TTC8: variants seen among roughly 807,000 people sequenced by gnomAD.
The protein encoded by TTC8 is tetratricopeptide repeat protein 8.
A neutral mutation model predicts 72.5 loss-of-function variants in TTC8; 47 were observed. That is an observed-to-expected ratio of 0.65 (90% CI 0.51 to 0.83). The LOEUF (loss-of-function observed/expected upper bound fraction) is 0.83, where lower values mean the gene tolerates loss of function less well. TTC8 is among the 40% of genes least tolerant of loss of function. TTC8 has a pLI of 0.00. For missense variants in TTC8, 611 were observed against 623.2 expected, an observed-to-expected ratio of 0.98 and a Z score of 0.21; for synonymous variants, 199 against 221.4, an observed-to-expected ratio of 0.90 and a Z score of 0.90.
intron 1 of TTC8, among the ~76,000 whole-genome samples, chr14:88,828,309 G>A (rs891691920): frequency 6.6e-6 from 1 of 152,104 alleles, no homozygotes; most frequent in Non-Finnish European, 1.5e-5. Context: ...GTTAAATGAT[G>A]GAGAGATTCA....
intron 14 of TTC8, among the ~76,000 whole-genome samples, chr14:88,876,256 T>G (rs2094956979): frequency 6.6e-6 from 1 of 152,174 alleles, no homozygotes; most frequent in Admixed American, 6.5e-5. Flanking sequence ...GATATCTTCT[T>G]TAAGCAAAAG....
chr14:88,845,328 G>C (rs1171015834), intron 7 of TTC8, among the ~76,000 whole-genome samples: 1 of 152,190 alleles, frequency 6.6e-6, no homozygotes, highest in African/African-American at 2.4e-5. Context: ...GGATAATTAG[G>C]GAAGGAAGTC....
chr14:88,853,177 A>G, intron 8 of TTC8, 121 bp downstream of exon 8: 1 of 725,100 alleles, frequency 1.4e-6, no homozygotes, highest in African/African-American at 1.8e-5. Flanking sequence ...TCTTTGACTT[A>G]CTTGATAAAG....
intron 6 of TTC8, 33 bp from the exon 7 acceptor site, chr14:88,843,772 AT>A (rs754623592): frequency 6.5e-6 from 10 of 1,541,192 alleles, no homozygotes; most frequent in Admixed American, 1.8e-5. Flanking sequence ...AAAAAAAAAA[AT>A]CTAACGTATT....
At chr14:88,847,721 A>C (rs192954013) in intron 7 of TTC8, among the ~76,000 whole-genome samples, 2 of 152,340 alleles carry the variant, frequency 1.3e-5, no homozygotes, top group Admixed American at 1.3e-4. Context: ...GCATATGTGT[A>C]ATCTCTATCT....
At chr14:88,870,321 C>A in intron 11 of TTC8, 123 bp downstream of exon 11, 2 of 1,062,018 alleles carry the variant, frequency 1.9e-6, no homozygotes, top group East Asian at 2.4e-5. Flanking sequence ...ACTCAAATGT[C>A]AACACTGAGA....
chr14:88,843,820 T>C lies in TTC8; in HGVS notation c.594T>C (p.Tyr198=). Residue 198 remains tyrosine, a synonymous_variant, in exon 7 of 15, where the codon TAT becomes TAC. Transcript: ENST00000380656. ...KPKLAKALFE[Y]IFHHENDVKT... ...TTTCTTCACAGGCTTTGTTTGAGTA[T>C]ATCTTTCATCATGAAAATGATGTTA... 1 of 1,598,054 alleles carries C rather than the reference T, an allele frequency of 6.3e-7. No individual in the cohort carries two copies. Among genetic ancestry groups the C allele is most frequent in the South Asian group, 1.1e-5 (1 of 88,786 alleles).
intron 2 of TTC8, among the ~76,000 whole-genome samples, chr14:88,835,332 A>G (rs1007610632): frequency 3.3e-5 from 5 of 152,238 alleles, no homozygotes; most frequent in African/African-American, 4.8e-5. Context: ...ACTAAAACTG[A>G]ACTAGTGTCA....
Position 88,846,741 on chromosome 14 carries a change from AT to A in TTC8, c.624+2896del, listed in dbSNP as rs1449975714. 5.5e-5 allele frequency: 49 copies of A among 894,234 alleles called. No homozygotes were observed. The African/African-American group carries it at 7.0e-4, about 13-fold the overall frequency. The allele number at this position is 894,234 out of a possible 1,614,324, so 55.4% of individuals were successfully genotyped here. ...AGATTCTAAGGGTTAGCCGACTGTA[AT>A]TTTTACATATTATGTTAGTATCATA... is the stretch of plus-strand genomic sequence containing the variant. On this transcript the variant is annotated intron_variant, in intron 7 of 14. Transcript: ENST00000380656.
chr14:88,862,160 T>C (rs865962505), intron 10 of TTC8, among the ~76,000 whole-genome samples: 1 of 152,102 alleles, frequency 6.6e-6, no homozygotes, highest in Non-Finnish European at 1.5e-5. Flanking sequence ...TTTTTTTGTC[T>C]TTTTGATGAT....
intron 10 of TTC8, among the ~76,000 whole-genome samples, chr14:88,867,495 A>G (rs1337819438): frequency 1.3e-5 from 2 of 152,210 alleles, no homozygotes; most frequent in African/African-American, 4.8e-5. Flanking sequence ...TTATGTATGA[A>G]CAAAATTTCC....
Position 88,872,402 on chromosome 14 carries a change from GC to G in TTC8, c.1299del (p.Tyr434ThrfsTer27). The part of the protein sequence containing the change: ...ALVNNNNHAE[A>X]YNNLAVLEMR... ...GGTCAACAACAACAACCACGCCGAGGCCTACAACAACCTGGCTGTGCTGGAG... is the reference window on the plus strand; with the variant it reads ...GGTCAACAACAACAACCACGCCGAGGCTACAACAACCTGGCTGTGCTGGAG... On this transcript the variant is annotated frameshift_variant, in exon 13 of 15. Coordinates refer to ENST00000380656, the MANE Select transcript of TTC8 (RefSeq NM_144596.4). LOFTEE classifies it high-confidence loss of function. 1 of 1,614,024 alleles carries G rather than the reference GC, an allele frequency of 6.2e-7. No individual in the cohort carries two copies. The highest frequency in any genetic ancestry group is 1.3e-5 in the African/African-American group (1 of 75,042).
intron 13 of TTC8, among the ~76,000 whole-genome samples, chr14:88,874,782 C>A (rs2094949759): frequency 6.6e-6 from 1 of 151,910 alleles, no homozygotes; most frequent in South Asian, 2.1e-4. Context: ...ATTTTCAGTT[C>A]TCTTATTTTC....
chr14:88,841,585 T>A lies in TTC8; in HGVS notation c.579+71T>A, dbSNP rs1449210406. ...ATGATGATAATGACAAATTAGAAAA[T>A]GAATAAAAACTTGTGAAGGAAAGGC... On this transcript the variant is annotated intron_variant, in intron 6 of 14. Transcript: ENST00000380656. The A allele has an allele frequency of 2.3e-6, 3 of 1,301,858 alleles. No individual in the cohort carries two copies. The South Asian group carries it at 3.6e-5, about 15-fold the overall frequency. The allele number at this position is 1,301,858 out of a possible 1,614,324, so 80.6% of individuals were successfully genotyped here.
chr14:88,862,409 CATTGCTATA>C (rs1028697029), intron 10 of TTC8, among the ~76,000 whole-genome samples: 1 of 149,858 alleles, frequency 6.7e-6, no homozygotes, highest in Non-Finnish European at 1.5e-5. Flanking sequence ...GTGATTCTTG[CATTGCTATA>C]ACATTGGTAT....
At chr14:88,865,086 G>A (rs910332637) in intron 10 of TTC8, among the ~76,000 whole-genome samples, 8 of 152,060 alleles carry the variant, frequency 5.3e-5, no homozygotes, top group East Asian at 3.8e-4. Flanking sequence ...TTCTTTGTTG[G>A]TGGTTTCAGT....
chr14:88,841,326 T>C lies in TTC8; in HGVS notation c.490-99T>C, dbSNP rs369060125. The stretch of plus-strand genomic sequence containing the variant: ...TATGGAAGATTTTTGAAGGTGATTA[T>C]TTTTATTTATGTTGCCTTTATATTT... On this transcript the variant is annotated intron_variant, in intron 5 of 14. Coordinates refer to ENST00000380656, the MANE Select transcript of TTC8 (RefSeq NM_144596.4). The C allele has an allele frequency of 6.3e-6, 10 of 1,584,958 alleles. 1 individual carries two copies. The East Asian group carries it at 1.4e-4, about 22-fold the overall frequency.
At chr14:88,852,802 T>A (rs1055156254) in intron 7 of TTC8, among the ~76,000 whole-genome samples, 169 bp from the exon 8 acceptor site, 2 of 152,214 alleles carry the variant, frequency 1.3e-5, no homozygotes, top group African/African-American at 2.4e-5. Flanking sequence ...TGGAACTGAT[T>A]AGTGAAAATT....
chr14:88,879,694 A>G (rs938918465), downstream of TTC8: 5 of 133,074 alleles, frequency 3.8e-5, no homozygotes, highest in African/African-American at 1.1e-4. Context: ...TATTATTATT[A>G]TTATGACAGT....
Sources: gnomAD v4.1 joint callset for allele counts (sites outside exome capture counted in the v4.1 genomes callset) on GRCh38, gnomAD v4.1.1 for gene constraint, MANE v1.5 for transcripts, NCBI Gene and HGNC (gene_info 2026-07-23, HGNC 2026-07-21) for gene names.